Variants in RFX3 observed in about 807,000 individuals in gnomAD.
The protein encoded by RFX3 is regulatory factor X3.
Under a neutral mutation model 98.6 loss-of-function variants are expected in RFX3, and 14 were observed. The observed-to-expected ratio is 0.14, with a 90% CI of 0.09 to 0.22. RFX3 has a LOEUF of 0.22. Ranked by LOEUF, RFX3 falls within the 10% of genes least tolerant of loss-of-function variation. The pLI is 1.00. For synonymous variants in RFX3, 383 were observed against 328.4 expected, an observed-to-expected ratio of 1.17 and a Z score of -1.80; for missense variants, 639 against 926.9, an observed-to-expected ratio of 0.69 and a Z score of 4.03.
chr9:3,338,958 G>A (rs910337504), intron 3 of RFX3, among the ~76,000 whole-genome samples: 59 of 152,066 alleles, frequency 3.9e-4, no homozygotes, highest in Admixed American at 1.2e-3. Context: ...GCGTGGTGGC[G>A]TGTGGCTGCA....
chr9:3,243,926 C>T (rs534026458), intron 15 of RFX3, among the ~76,000 whole-genome samples: 1 of 152,210 alleles, frequency 6.6e-6, no homozygotes, highest in South Asian at 2.1e-4. Flanking sequence ...CCTGATTTCA[C>T]AATTTAGTGG....
At chr9:3,323,522 G>A (rs921013353) in intron 4 of RFX3, among the ~76,000 whole-genome samples, 1 of 151,988 alleles carries the variant, frequency 6.6e-6, no homozygotes, top group African/African-American at 2.4e-5. Context: ...TAAATCTAAG[G>A]AAGGATCAAG....
rs568310362 is a variant in RFX3, at chr9:3,322,716, G to C, written c.474+7543C>G. Among the ~76,000 whole-genome samples the C allele has an allele frequency of 9.9e-5, 15 of 152,262 alleles. No individual in the cohort carries two copies. In the South Asian group the frequency reaches 3.1e-3, roughly 32 times the overall value. On this transcript the variant is annotated intron_variant, in intron 4 of 16. Transcript: ENST00000617270. ...CCACTGCACTCCAGCCTGGGTGACA[G>C]AGTGAGACTCCATCTCGAAAGAAAA...
intron 1 of RFX3, among the ~76,000 whole-genome samples, chr9:3,494,305 C>A (rs1564173157): frequency 6.6e-6 from 1 of 152,112 alleles, no homozygotes; most frequent in Non-Finnish European, 1.5e-5. Context: ...TGACCTGGAA[C>A]CCCTTCAGAT....
At chr9:3,404,140 T>C (rs759014595) in intron 1 of RFX3, among the ~76,000 whole-genome samples, 3 of 152,188 alleles carry the variant, frequency 2.0e-5, no homozygotes, top group Non-Finnish European at 4.4e-5. Flanking sequence ...AAGAACTGAA[T>C]TCTCATTACT....
At chr9:3,334,885 T>G (rs927296569) in intron 3 of RFX3, among the ~76,000 whole-genome samples, 7 of 152,132 alleles carry the variant, frequency 4.6e-5, no homozygotes, top group African/African-American at 1.7e-4. Flanking sequence ...TTTGGGAGGC[T>G]GAGATGGGTG....
At chr9:3,305,790 T>C (rs1438019257) in intron 4 of RFX3, among the ~76,000 whole-genome samples, 1 of 152,022 alleles carries the variant, frequency 6.6e-6, no homozygotes, top group African/African-American at 2.4e-5. Flanking sequence ...TAGGATAAGT[T>C]TCTACCAGTC....
At chr9:3,257,287 A>G (rs1822260999) in intron 13 of RFX3, 88 bp from the exon 14 acceptor site, 1 of 1,046,760 alleles carries the variant, frequency 9.6e-7, no homozygotes, top group Non-Finnish European at 1.4e-6. Context: ...GCAAGAACAG[A>G]AAATTATAAT....
intron 7 of RFX3, among the ~76,000 whole-genome samples, chr9:3,277,751 G>A (rs1053898291): frequency 3.9e-5 from 6 of 152,006 alleles, no homozygotes; most frequent in Non-Finnish European, 8.8e-5. Flanking sequence ...CAGGAGCAAA[G>A]ATGTCCATGA....
intron 2 of RFX3, among the ~76,000 whole-genome samples, chr9:3,350,491 G>T (rs1459286825): frequency 6.6e-6 from 1 of 152,062 alleles, no homozygotes; most frequent in East Asian, 1.9e-4. Flanking sequence ...TAGACACTTG[G>T]GAAGGCACGT....
intron 1 of RFX3, among the ~76,000 whole-genome samples, chr9:3,406,775 A>G (rs1842013780): frequency 6.6e-6 from 1 of 152,142 alleles, no homozygotes; most frequent in Non-Finnish European, 1.5e-5. Context: ...GTTTTTTCTT[A>G]ATTTTCTAAT....
chr9:3,464,367 G>A (rs937631704), intron 1 of RFX3, among the ~76,000 whole-genome samples: 1 of 152,020 alleles, frequency 6.6e-6, no homozygotes. Flanking sequence ...ATTCATAATA[G>A]CTAAACCCTG....
At position 3,364,032 on chromosome 9, in the gene RFX3, T is replaced by C. The variant is rs1587324913; in HGVS notation, c.118-17268A>G. Among the ~76,000 whole-genome samples, 3 of 152,168 alleles carry C rather than the reference T, an allele frequency of 2.0e-5. No homozygotes were observed. In the East Asian group the frequency reaches 5.8e-4, roughly 29 times the overall value. Reference sequence around the variant, plus strand: ...CTGGGACCACAGGTGTGTGCTGCCATGCCCAATTAATTTTTGTACTTTTAG... The same window carrying C: ...CTGGGACCACAGGTGTGTGCTGCCACGCCCAATTAATTTTTGTACTTTTAG... On this transcript the variant is annotated intron_variant, in intron 2 of 16. Transcript: ENST00000617270.
chr9:3,475,268 G>C (rs1166706969), intron 1 of RFX3, among the ~76,000 whole-genome samples: 2 of 151,988 alleles, frequency 1.3e-5, no homozygotes, highest in African/African-American at 2.4e-5. Flanking sequence ...GCAGAGACGA[G>C]AGATTGTAGA....
At chr9:3,349,650 C>G (rs1834866285) in intron 2 of RFX3, among the ~76,000 whole-genome samples, 1 of 151,994 alleles carries the variant, frequency 6.6e-6, no homozygotes, top group Non-Finnish European at 1.5e-5. Context: ...TTCTTTTTCT[C>G]TATATCTTTT....
intron 8 of RFX3, 121 bp from the exon 9 acceptor site, chr9:3,275,733 A>G (rs1345295969): frequency 7.3e-6 from 4 of 549,034 alleles, no homozygotes; most frequent in East Asian, 5.8e-5. Context: ...GGGTCCAGAG[A>G]GCAAGGACAT....
chr9:3,272,425 C>G (rs530244005), intron 9 of RFX3, among the ~76,000 whole-genome samples: 2 of 152,204 alleles, frequency 1.3e-5, no homozygotes, highest in East Asian at 3.9e-4. Context: ...ATGATACACA[C>G]AATAACTGGT....
chr9:3,240,563 C>T (rs1001828624), intron 15 of RFX3, among the ~76,000 whole-genome samples: 29 of 152,098 alleles, frequency 1.9e-4, no homozygotes, highest in African/African-American at 7.0e-4. Flanking sequence ...TCACAACAAG[C>T]ATCAATCAGG....
chr9:3,321,773 C>T (rs929336193), intron 4 of RFX3, among the ~76,000 whole-genome samples: 1 of 152,066 alleles, frequency 6.6e-6, no homozygotes, highest in African/African-American at 2.4e-5. Flanking sequence ...AATGATAAAA[C>T]ACACTTTTCT....
Sources: gnomAD v4.1 joint callset for allele counts (sites outside exome capture counted in the v4.1 genomes callset) on GRCh38, gnomAD v4.1.1 for gene constraint, MANE v1.5 for transcripts, NCBI Gene and HGNC (gene_info 2026-07-23, HGNC 2026-07-21) for gene names.